Variants in DUOXA1 observed in about 807,000 individuals in gnomAD.
DUOXA1 encodes dual oxidase activator 1.
DUOXA1 carries 19 observed loss-of-function variants against 26.6 expected under a neutral mutation model. That is an observed-to-expected ratio of 0.71 (90% CI 0.50 to 1.05). The LOEUF (loss-of-function observed/expected upper bound fraction) is 1.05, where lower values mean the gene tolerates loss of function less well. DUOXA1 is among the 50% of genes least tolerant of loss of function. The probability of loss-of-function intolerance (pLI) is 0.00; values close to 1 mark genes in which losing one functional copy is unlikely to be tolerated. For synonymous variants in DUOXA1, 166 were observed against 177.0 expected (o/e 0.94, Z 0.49); for missense variants, 403 against 427.5 (o/e 0.94, Z 0.51).
At chr15:45,120,400 C>T in intron 7 of DUOXA1, 80 bp from the exon 8 acceptor site, 1 of 1,566,548 alleles carries the variant, frequency 6.4e-7, no homozygotes, top group African/African-American at 1.4e-5. Flanking sequence ...GGCGGAGGTT[C>T]AGGGACCCAA....
In DUOXA1 at chr15:45,117,892, A is replaced by G. The variant is rs1057233703; in HGVS notation, c.*1214T>C. 6 of 1,613,274 alleles carry G rather than the reference A, an allele frequency of 3.7e-6. No homozygotes were observed. Among genetic ancestry groups the G allele is most frequent in the African/African-American group, 1.3e-5 (1 of 74,932 alleles). On this transcript the variant is annotated 3_prime_UTR_variant, in exon 9 of 9. Coordinates refer to ENST00000560572, the MANE Select transcript of DUOXA1 (RefSeq NM_001276266.2). ...GGCCGCTCTCCCAGACTTAAAATGTATCACCACTAACCTGTGAGGGGGACC... is the reference window on the plus strand; with the variant it reads ...GGCCGCTCTCCCAGACTTAAAATGTGTCACCACTAACCTGTGAGGGGGACC...
At chr15:45,121,358 TCATGGTA>T in intron 5 of DUOXA1, 137 bp from the exon 6 acceptor site, 5 of 1,292,308 alleles carry the variant, frequency 3.9e-6, no homozygotes, top group Non-Finnish European at 5.3e-6. Flanking sequence ...AGGGTCTGGC[TCATGGTA>T]AGTCTGCCAA....
Position 45,120,246 on chromosome 15 carries a change from A to G in DUOXA1, c.629T>C (p.Leu210Pro), listed in dbSNP as rs1182974212. The change falls in exon 8 of 9, where the codon CTA becomes CCA. Residue 210 changes from leucine to proline, a missense_variant. By Grantham distance (98) the Leu-to-Pro change is moderately conservative. Coordinates refer to ENST00000560572, the MANE Select transcript of DUOXA1 (RefSeq NM_001276266.2). ...MPVLVYGGYMLLATGIFQLLA... is the reference protein window; with the variant it reads ...MPVLVYGGYMPLATGIFQLLA... ...CAGCTGGAAGATGCCCGTGGCCAAT[A>G]GCATGTAGCCACCATATACCAGCAC... 1.2e-6 allele frequency: 2 copies of G among 1,614,040 alleles called. No individual in the cohort carries two copies. The highest frequency in any genetic ancestry group is 1.7e-6 in the Non-Finnish European group (2 of 1,180,008).
intron 8 of DUOXA1, 152 bp downstream of exon 8, chr15:45,119,951 G>C (rs947843617): frequency 3.8e-6 from 3 of 790,344 alleles, no homozygotes; most frequent in Non-Finnish European, 6.1e-6. Flanking sequence ...AGAAAATCAG[G>C]AGATAAGAGA....
At chr15:45,128,276 GTCTTGTGGCCTC>G (rs1895840564) in intron 3 of DUOXA1, among the ~76,000 whole-genome samples, 1 of 152,178 alleles carries the variant, frequency 6.6e-6, no homozygotes, top group Non-Finnish European at 1.5e-5. Flanking sequence ...ATGTGCTAAC[GTCTTGTGGCCTC>G]TCTTGTAGCC....
intron 3 of DUOXA1, among the ~76,000 whole-genome samples, chr15:45,123,315 C>G (rs901733760): frequency 3.9e-5 from 6 of 152,182 alleles, no homozygotes; most frequent in Non-Finnish European, 7.3e-5. Flanking sequence ...GTCAGTGCTA[C>G]CACCACCCTG....
At chr15:45,125,689 A>T (rs1044362553) in intron 3 of DUOXA1, among the ~76,000 whole-genome samples, 9 of 151,930 alleles carry the variant, frequency 5.9e-5, no homozygotes, top group African/African-American at 2.2e-4. Context: ...TTACACTTCC[A>T]TCACACCATG....
In DUOXA1 at chr15:45,117,803, C is replaced by T; in HGVS notation, c.*1303G>A. The T allele has an allele frequency of 6.2e-7, 1 of 1,613,952 alleles. No homozygotes were observed. The highest frequency in any genetic ancestry group is 8.5e-7 in the Non-Finnish European group (1 of 1,180,048). ...CTTCGCACCCTTCTGGACCAAAGCG[C>T]CAAGGACTGCAGCCAGGAGAGAGGG... On this transcript the variant is annotated 3_prime_UTR_variant, in exon 9 of 9. Transcript: ENST00000560572.
chr15:45,122,323 G>A, intron 4 of DUOXA1, 81 bp from the exon 5 acceptor site: 2 of 1,404,372 alleles, frequency 1.4e-6, no homozygotes, highest in Non-Finnish European at 2.0e-6. Context: ...TTGGGGGAGG[G>A]GCGGGAATTC....
rs766330670 is a variant in DUOXA1, at chr15:45,120,642, G to T, written c.504C>A (p.Gly168=). ...AEKFTPRSPC[G]LYRQYRLAGH... ...CCGCCAGGCGGTACTGGCGGTATAG[G>T]CCACATGGGCTTCTTGGAGTGAACT... Residue 168 remains glycine, a synonymous_variant, in exon 7 of 9, where the codon GGC becomes GGA. Transcript: ENST00000560572. 2 of 1,614,138 alleles carry T rather than the reference G, an allele frequency of 1.2e-6. No homozygotes were observed. Among genetic ancestry groups the T allele is most frequent in the Admixed American group, 1.7e-5 (1 of 60,020 alleles).
At position 45,123,032 on chromosome 15, in the gene DUOXA1, G is replaced by A; in HGVS notation, c.-18C>T. 1.3e-6 allele frequency: 2 copies of A among 1,598,820 alleles called. No homozygotes were observed. Among genetic ancestry groups the A allele is most frequent in the Non-Finnish European group, 1.7e-6 (2 of 1,172,394 alleles). On this transcript the variant is annotated 5_prime_UTR_variant, in exon 4 of 9. Coordinates refer to ENST00000560572, the MANE Select transcript of DUOXA1 (RefSeq NM_001276266.2). ...GTAGCCATCTTGGTGAGGTGGTGCA[G>A]GGGGGGCAATGCTGTACAACAACAA... is the stretch of plus-strand genomic sequence containing the variant.
rs767472158 is a variant in DUOXA1, at chr15:45,117,993, T to A, written c.*1113A>T. 6.2e-7 allele frequency: 1 copy of A among 1,611,876 alleles called. No homozygotes were observed. The highest frequency in any genetic ancestry group is 8.5e-7 in the Non-Finnish European group (1 of 1,179,056). ...CCCGCCAGGCCTGGGCCAGGAGAGCTCCAGGAAGGGCACTGAGCGCTGCTG... is the reference window on the plus strand; with the variant it reads ...CCCGCCAGGCCTGGGCCAGGAGAGCACCAGGAAGGGCACTGAGCGCTGCTG... On this transcript the variant is annotated 3_prime_UTR_variant, in exon 9 of 9. Coordinates refer to ENST00000560572, the MANE Select transcript of DUOXA1 (RefSeq NM_001276266.2).
chr15:45,119,448 C>A, intron 8 of DUOXA1, 83 bp from the exon 9 acceptor site: 1 of 1,485,814 alleles, frequency 6.7e-7, no homozygotes, highest in African/African-American at 1.4e-5. Flanking sequence ...GTCAGAACAA[C>A]TCTAAGGGAA....
intron 3 of DUOXA1, among the ~76,000 whole-genome samples, chr15:45,126,356 C>T (rs113687250): frequency 1.3e-5 from 2 of 152,208 alleles, no homozygotes; most frequent in South Asian, 2.1e-4. Context: ...GAATCTGACA[C>T]GCTCTTTCAA....
intron 3 of DUOXA1, among the ~76,000 whole-genome samples, chr15:45,125,274 T>C (rs1261400882): frequency 6.6e-6 from 1 of 152,214 alleles, no homozygotes; most frequent in Admixed American, 6.5e-5. Flanking sequence ...CATTCATGCC[T>C]GCCTTCTCCA....
In DUOXA1 at chr15:45,120,592, C is replaced by T. The variant is rs1294872558; in HGVS notation, c.554G>A (p.Trp185Ter). 4 of 1,614,120 alleles carry T rather than the reference C, an allele frequency of 2.5e-6. No homozygotes were observed. The highest frequency in any genetic ancestry group is 3.4e-6 in the Non-Finnish European group (4 of 1,179,988). ...LAGHYTSAML[W>*]VAFLCWLLAN... ...CACCCCGTCTCCTTCCCATCCTCAC[C>T]ATAGCATGGCTGAGGTGTAGTGTCC... Residue 185 changes from tryptophan to a stop codon, truncating the protein, a stop_gained and splice_region_variant, in exon 7 of 9, where the codon TGG becomes TAG. Coordinates refer to ENST00000560572, the MANE Select transcript of DUOXA1 (RefSeq NM_001276266.2). LOFTEE classifies it high-confidence loss of function.
At position 45,121,241 on chromosome 15, in the gene DUOXA1, C is replaced by T. The variant is rs1276974702; in HGVS notation, c.206-20G>A. On this transcript the variant is annotated intron_variant, in intron 5 of 8. Transcript: ENST00000560572. ...TCACAGCTGTGGTTGGGGAGTTGGA[C>T]ATATGGGAACTCAGAGATGACTGGG... 1.9e-6 allele frequency: 3 copies of T among 1,614,038 alleles called. No individual in the cohort carries two copies. Among genetic ancestry groups the T allele is most frequent in the Non-Finnish European group, 2.5e-6 (3 of 1,179,962 alleles).
At chr15:45,119,971 G>T in intron 8 of DUOXA1, 132 bp downstream of exon 8, 3 of 956,258 alleles carry the variant, frequency 3.1e-6, no homozygotes, top group Non-Finnish European at 4.8e-6. Flanking sequence ...ATACAAGAGG[G>T]TGGGACTTTA....
At chr15:45,124,520 G>A (rs1895513608) in intron 3 of DUOXA1, among the ~76,000 whole-genome samples, 1 of 151,848 alleles carries the variant, frequency 6.6e-6, no homozygotes, top group Non-Finnish European at 1.5e-5. Flanking sequence ...TTGTTTGTTT[G>A]TTTGTTTGAG....
Sources: allele counts gnomAD v4.1 joint callset (sites outside exome capture counted in the v4.1 genomes callset), GRCh38; gene constraint gnomAD v4.1.1; transcripts MANE v1.5; gene names NCBI Gene and HGNC (gene_info 2026-07-23, HGNC 2026-07-21).